Variants in KCNMB2 observed in about 807,000 individuals in gnomAD.
KCNMB2 encodes the protein potassium calcium-activated channel subfamily M regulatory beta subunit 2, also known as calcium-activated potassium channel subunit beta-2.
Under a neutral mutation model 24.5 loss-of-function variants are expected in KCNMB2, and 9 were observed. The observed-to-expected ratio is 0.37, with a 90% CI of 0.22 to 0.64. The LOEUF is 0.64. KCNMB2 is among the 30% of genes least tolerant of loss of function. KCNMB2 has a pLI of 0.63. For missense variants in KCNMB2, 226 were observed against 284.3 expected, an observed-to-expected ratio of 0.79 and a Z score of 1.47; for synonymous variants, 109 against 104.4, an observed-to-expected ratio of 1.04 and a Z score of -0.27.
intron 2 of KCNMB2, among the ~76,000 whole-genome samples, chr3:178,816,932 T>C (rs566581156): frequency 1.2e-4 from 18 of 152,242 alleles, no homozygotes; most frequent in African/African-American, 4.1e-4. Flanking sequence ...TTCTATATCT[T>C]GGATTAAAGC....
chr3:178,630,752 C>A (rs1033717996), intron 1 of KCNMB2, among the ~76,000 whole-genome samples: 1 of 152,118 alleles, frequency 6.6e-6, no homozygotes, highest in Non-Finnish European at 1.5e-5. Context: ...CTATTATATG[C>A]AATAGTATAT....
chr3:178,799,722 C>T lies in KCNMB2; in HGVS notation c.-67-7621C>T, dbSNP rs115827614. 6.4e-3 allele frequency among the ~76,000 whole-genome samples: 979 copies of T among 152,034 alleles called. 14 individuals are homozygous for T. The highest frequency in any genetic ancestry group is 0.022 in the African/African-American group (929 of 41,482). On this transcript the variant is annotated intron_variant, in intron 1 of 4. Transcript: ENST00000452583. The stretch of plus-strand genomic sequence containing the variant: ...ACAAAAGACCTAGAGTAGCCAAAGC[C>T]ATACTGAGCAAAAAGAGCACAACTG...
At chr3:178,835,694 G>GT (rs943180666) in intron 4 of KCNMB2, among the ~76,000 whole-genome samples, 160 of 143,188 alleles carry the variant, frequency 1.1e-3, no homozygotes, top group African/African-American at 3.9e-3. Flanking sequence ...CATGAGCAAT[G>GT]TTTTTTTTTC....
intron 2 of KCNMB2, among the ~76,000 whole-genome samples, chr3:178,823,718 T>C (rs1714723480): frequency 6.6e-6 from 1 of 152,164 alleles, no homozygotes; most frequent in South Asian, 2.1e-4. Context: ...CAGGCCATCC[T>C]GGAGCACAAA....
intron 4 of KCNMB2, among the ~76,000 whole-genome samples, chr3:178,840,598 A>C (rs1715392968): frequency 6.6e-6 from 1 of 151,922 alleles, no homozygotes; most frequent in African/African-American, 2.4e-5. Flanking sequence ...CAAAACCTTA[A>C]CTCTTTTGCA....
chr3:178,804,380 C>T (rs1713884312), intron 1 of KCNMB2, among the ~76,000 whole-genome samples: 6 of 152,072 alleles, frequency 3.9e-5, no homozygotes. Flanking sequence ...TGTACTGTTG[C>T]CTTTAAAGCA....
At chr3:178,615,752 C>T (rs1417942423) in intron 1 of KCNMB2, among the ~76,000 whole-genome samples, 1 of 152,214 alleles carries the variant, frequency 6.6e-6, no homozygotes, top group Non-Finnish European at 1.5e-5. Flanking sequence ...CAAAAGCCCA[C>T]TTGATGCTCT....
At chr3:178,726,687 T>C (rs948035011) in intron 1 of KCNMB2, among the ~76,000 whole-genome samples, 3 of 152,134 alleles carry the variant, frequency 2.0e-5, no homozygotes, top group Non-Finnish European at 4.4e-5. Context: ...GATAAGAATA[T>C]ATGAAATAAA....
chr3:178,616,295 A>C (rs2108522074), intron 1 of KCNMB2, among the ~76,000 whole-genome samples: 1 of 152,254 alleles, frequency 6.6e-6, no homozygotes, highest in East Asian at 1.9e-4. Flanking sequence ...TTACTTGGAG[A>C]TATAGAGTGC....
chr3:178,658,634 G>A (rs1311651957), intron 1 of KCNMB2, among the ~76,000 whole-genome samples: 1 of 152,090 alleles, frequency 6.6e-6, no homozygotes, highest in African/African-American at 2.4e-5. Context: ...AATTAATGTG[G>A]GGATGGTTGC....
intron 1 of KCNMB2, among the ~76,000 whole-genome samples, chr3:178,745,919 G>C (rs1723651580): frequency 6.6e-6 from 1 of 152,214 alleles, no homozygotes; most frequent in African/African-American, 2.4e-5. Flanking sequence ...GCTTTGCAGG[G>C]TACAGCCTCC....
intron 1 of KCNMB2, among the ~76,000 whole-genome samples, chr3:178,727,151 G>A (rs1722992238): frequency 6.6e-6 from 1 of 152,072 alleles, no homozygotes; most frequent in Non-Finnish European, 1.5e-5. Flanking sequence ...AAATACCAAG[G>A]AAATATCTAT....
chr3:178,689,508 C>T (rs183875407), intron 1 of KCNMB2, among the ~76,000 whole-genome samples: 12 of 152,034 alleles, frequency 7.9e-5, no homozygotes, highest in African/African-American at 1.7e-4. Flanking sequence ...TGGTGGTGGG[C>T]GCCTGTAGAC....
intron 1 of KCNMB2, among the ~76,000 whole-genome samples, chr3:178,696,177 A>G (rs373735223): frequency 1.3e-5 from 2 of 152,200 alleles, no homozygotes; most frequent in Admixed American, 1.3e-4. Context: ...ATAAAAGCTC[A>G]TGAGAACTAA....
At chr3:178,716,416 A>T (rs1722618714) in intron 1 of KCNMB2, among the ~76,000 whole-genome samples, 1 of 151,054 alleles carries the variant, frequency 6.6e-6, no homozygotes, top group Admixed American at 6.6e-5. Context: ...AACTGGTAAG[A>T]GGTGGAGCCA....
rs915292382 is a variant in KCNMB2, at chr3:178,596,547, T to C, written c.-68+59836T>C. 5.3e-5 allele frequency among the ~76,000 whole-genome samples: 8 copies of C among 152,124 alleles called. No homozygotes were observed. The East Asian group carries it at 1.3e-3, about 26-fold the overall frequency. On this transcript the variant is annotated intron_variant, in intron 1 of 4. Transcript: ENST00000452583. The stretch of plus-strand genomic sequence containing the variant: ...TCCCCTCATCATGACCCTTTGCTAC[T>C]TTCCATAAGACAATATCAAACATGA...
intron 1 of KCNMB2, among the ~76,000 whole-genome samples, chr3:178,622,338 T>C (rs1454607643): frequency 6.6e-6 from 1 of 152,208 alleles, no homozygotes; most frequent in Admixed American, 6.5e-5. Flanking sequence ...TCTTACTGCC[T>C]AACACCACCA....
At chr3:178,744,247 T>C (rs1723588976) in intron 1 of KCNMB2, among the ~76,000 whole-genome samples, 1 of 152,242 alleles carries the variant, frequency 6.6e-6, no homozygotes, top group Admixed American at 6.5e-5. Flanking sequence ...TATAGATTAA[T>C]AACCTGAAAT....
intron 1 of KCNMB2, among the ~76,000 whole-genome samples, chr3:178,770,625 A>G (rs548236036): frequency 9.8e-5 from 15 of 152,362 alleles, no homozygotes; most frequent in African/African-American, 3.6e-4. Context: ...AATGATTCTC[A>G]GTAAGAAAGC....
Sources: allele counts gnomAD v4.1 joint callset (sites outside exome capture counted in the v4.1 genomes callset), GRCh38; gene constraint gnomAD v4.1.1; transcripts MANE v1.5; gene names NCBI Gene and HGNC (gene_info 2026-07-23, HGNC 2026-07-21).